The following RNF216 variants were observed in gnomAD, a reference collection of about 807,000 sequenced individuals.
The protein encoded by RNF216 is E3 ubiquitin-protein ligase RNF216.
RNF216 carries 72 observed loss-of-function variants against 110.8 expected under a neutral mutation model. That is an observed-to-expected ratio of 0.65 (90% CI 0.54 to 0.79). The LOEUF is 0.79. RNF216 is among the 30% of genes least tolerant of loss of function. The pLI, the probability that RNF216 is intolerant of heterozygous loss-of-function variation, is 0.00. For missense variants in RNF216, 1,342 were observed against 1,141.2 expected, an observed-to-expected ratio of 1.18 and a Z score of -2.54; for synonymous variants, 495 against 407.5, an observed-to-expected ratio of 1.21 and a Z score of -2.59.
At chr7:5,712,676 G>A in intron 12 of RNF216, 39 bp downstream of exon 12, 1 of 1,610,206 alleles carries the variant, frequency 6.2e-7, no homozygotes. Context: ...TCACAATGGG[G>A]AAGAGTTGGC....
intron 13 of RNF216, among the ~76,000 whole-genome samples, chr7:5,657,117 C>G (rs1584391085): frequency 6.6e-6 from 1 of 152,358 alleles, no homozygotes; most frequent in Admixed American, 6.5e-5. Flanking sequence ...GAACAAAGTA[C>G]AAACTGCTCC....
intron 1 of RNF216, among the ~76,000 whole-genome samples, chr7:5,765,609 G>A (rs1357406039): frequency 6.6e-6 from 1 of 151,478 alleles, no homozygotes; most frequent in Non-Finnish European, 1.5e-5. Context: ...CAGCCAGGGT[G>A]AGAGCGAGAC....
At chr7:5,728,279 T>A (rs1224624277) in intron 7 of RNF216, among the ~76,000 whole-genome samples, 3 of 152,210 alleles carry the variant, frequency 2.0e-5, no homozygotes, top group African/African-American at 7.2e-5. Flanking sequence ...CCTCTATTTT[T>A]CTTTCAGTCT....
chr7:5,735,140 C>G (rs1156666017), intron 5 of RNF216, among the ~76,000 whole-genome samples: 1 of 151,612 alleles, frequency 6.6e-6, no homozygotes, highest in Non-Finnish European at 1.5e-5. Context: ...AGTGAGACTT[C>G]GTCTCAAAAA....
chr7:5,681,817 G>A (rs852394), intron 13 of RNF216, among the ~76,000 whole-genome samples: 81,915 of 152,082 alleles, frequency 0.54, 23,633 homozygotes, highest in African/African-American at 0.76. Flanking sequence ...CTACATAAAC[G>A]GGAAACACCC....
At chr7:5,706,716 T>A (rs1427370706) in intron 13 of RNF216, among the ~76,000 whole-genome samples, 1 of 152,232 alleles carries the variant, frequency 6.6e-6, no homozygotes, top group Non-Finnish European at 1.5e-5. Flanking sequence ...AGGATTTCAA[T>A]TCCTTTCCAC....
chr7:5,699,172 A>G (rs919177177), intron 13 of RNF216, among the ~76,000 whole-genome samples: 24 of 152,134 alleles, frequency 1.6e-4, no homozygotes, highest in Admixed American at 1.2e-3. Flanking sequence ...TCTATACCCT[A>G]CCTGTTCACT....
intron 1 of RNF216, among the ~76,000 whole-genome samples, chr7:5,770,486 A>G (rs1050247217): frequency 1.3e-5 from 2 of 151,872 alleles, no homozygotes; most frequent in Non-Finnish European, 2.9e-5. Flanking sequence ...GATTACTGGG[A>G]GAAATTAAAT....
At chr7:5,750,659 T>C (rs1393856298) in intron 3 of RNF216, among the ~76,000 whole-genome samples, 1 of 152,144 alleles carries the variant, frequency 6.6e-6, no homozygotes, top group Non-Finnish European at 1.5e-5. Context: ...CACACAGAGT[T>C]CACTAGGATG....
intron 15 of RNF216, among the ~76,000 whole-genome samples, chr7:5,640,060 ATTT>A (rs572182905): frequency 1.4e-5 from 2 of 138,838 alleles, no homozygotes; most frequent in Non-Finnish European, 1.6e-5. Context: ...CGCCCGGCCA[ATTT>A]TTTTTTTTTT....
chr7:5,716,131 A>G (rs913847947), intron 10 of RNF216, among the ~76,000 whole-genome samples: 3 of 152,164 alleles, frequency 2.0e-5, no homozygotes, highest in African/African-American at 7.2e-5. Flanking sequence ...GGCTCAAGCA[A>G]TCCTCCCATT....
intron 13 of RNF216, among the ~76,000 whole-genome samples, chr7:5,677,364 T>C (rs1163158550): frequency 1.3e-5 from 2 of 152,228 alleles, no homozygotes; most frequent in African/African-American, 2.4e-5. Context: ...TTATCTCCAT[T>C]GTAAGACTGG....
At chr7:5,735,808 G>A (rs932839832) in intron 5 of RNF216, among the ~76,000 whole-genome samples, 1 of 152,156 alleles carries the variant, frequency 6.6e-6, no homozygotes, top group African/African-American at 2.4e-5. Context: ...TAAAGATTAA[G>A]GGAAGGCCAG....
chr7:5,743,361 T>C (rs1217831703), intron 3 of RNF216, among the ~76,000 whole-genome samples: 3 of 152,154 alleles, frequency 2.0e-5, no homozygotes, highest in Admixed American at 6.5e-5. Context: ...AAAAAGGGCA[T>C]ATACAAGAAT....
At chr7:5,641,706 G>T (rs1254767885) in intron 14 of RNF216, among the ~76,000 whole-genome samples, 1 of 152,126 alleles carries the variant, frequency 6.6e-6, no homozygotes, top group Non-Finnish European at 1.5e-5. Context: ...GAAAAGGACT[G>T]CTCTATTTGT....
intron 13 of RNF216, among the ~76,000 whole-genome samples, chr7:5,701,963 G>A (rs541456191): frequency 5.3e-5 from 8 of 152,312 alleles, no homozygotes; most frequent in African/African-American, 1.9e-4. Context: ...ACCCAGGAAG[G>A]CAGCTCAGGA....
At chr7:5,725,811 C>T (rs1298612034) in intron 7 of RNF216, among the ~76,000 whole-genome samples, 1 of 146,506 alleles carries the variant, frequency 6.8e-6, no homozygotes, top group Non-Finnish European at 1.5e-5. Context: ...GACTGCACCA[C>T]TGCACTGCAC....
intron 13 of RNF216, among the ~76,000 whole-genome samples, chr7:5,659,443 G>A (rs893334936): frequency 6.6e-5 from 10 of 152,296 alleles, no homozygotes; most frequent in East Asian, 1.9e-4. Flanking sequence ...GAGAGGGTCC[G>A]TCTCATGCTG....
At chr7:5,698,819 A>G (rs1376677001) in intron 13 of RNF216, among the ~76,000 whole-genome samples, 1 of 152,194 alleles carries the variant, frequency 6.6e-6, no homozygotes, top group Non-Finnish European at 1.5e-5. Context: ...CTCCTCTAGG[A>G]TGAAGAGCTC....
Sources: gnomAD v4.1 joint callset for allele counts (sites outside exome capture counted in the v4.1 genomes callset) on GRCh38, gnomAD v4.1.1 for gene constraint, MANE v1.5 for transcripts, NCBI Gene and HGNC (gene_info 2026-07-23, HGNC 2026-07-21) for gene names.